Variants in FBF1 observed in about 807,000 individuals in gnomAD.
FBF1 encodes Fas binding factor 1, also known as fas-binding factor 1.
FBF1 carries 119 observed loss-of-function variants against 147.2 expected under a neutral mutation model. That is an observed-to-expected ratio of 0.81 (90% CI 0.70 to 0.94). The LOEUF (loss-of-function observed/expected upper bound fraction) is 0.94. FBF1 is among the 40% of genes least tolerant of loss of function. FBF1 has a pLI of 0.00. For synonymous variants in FBF1, 601 were observed against 609.0 expected (o/e 0.99, Z 0.19); for missense variants, 1,449 against 1,500.8 (o/e 0.97, Z 0.57).
In FBF1 at chr17:75,914,820, C is replaced by A; in HGVS notation, c.2741G>T (p.Arg914Leu). The change falls in exon 25 of 30, where the codon CGG (arginine) becomes CTG (leucine). Residue 914 changes from arginine to leucine, a missense_variant. Physicochemically the swap from Arg to Leu is moderately radical, Grantham distance 102. Coordinates refer to ENST00000636174, the MANE Select transcript of FBF1 (RefSeq NM_001319193.2). ...FSAQQKLSKE[R>L]AEREAERALQ... ...TGCCCGCTCGGCCTCGCGCTCGGCCCGCTCCTTACTCAGCTTTTGCTGCGC... is the reference window on the plus strand; with the variant it reads ...TGCCCGCTCGGCCTCGCGCTCGGCCAGCTCCTTACTCAGCTTTTGCTGCGC... 6.3e-7 allele frequency: 1 copy of A among 1,594,952 alleles called. No homozygotes were observed. The highest frequency in any genetic ancestry group is 8.5e-7 in the Non-Finnish European group (1 of 1,173,342).
Position 75,925,020 on chromosome 17 carries a change from G to A in FBF1, c.968+327C>T, listed in dbSNP as rs2065551307. On this transcript the variant is annotated intron_variant, in intron 13 of 29. Coordinates refer to ENST00000636174, the MANE Select transcript of FBF1 (RefSeq NM_001319193.2). This position sits in a 1 kb window ranked among gnomAD's most constrained non-coding sequence, Gnocchi z 5.0. ...AGGAAGTATGTTCCTTGGGGAGACC[G>A]AGCGACATCACAGCCTTTTATGATT... 1.3e-5 allele frequency among the ~76,000 whole-genome samples: 2 copies of A among 152,162 alleles called. No individual in the cohort carries two copies. Among genetic ancestry groups the A allele is most frequent in the Admixed American group, 6.5e-5 (1 of 15,270 alleles).
chr17:75,940,932 C>A lies in FBF1; in HGVS notation c.-168G>T, dbSNP rs1027339988. ...GAAGCCTCCTGTTACGCGCCGTGCCCCCGGAGGTGCGGCCGCTGGGACCAG... is the reference window on the plus strand; with the variant it reads ...GAAGCCTCCTGTTACGCGCCGTGCCACCGGAGGTGCGGCCGCTGGGACCAG... On this transcript the variant is annotated 5_prime_UTR_variant, in exon 1 of 30. Coordinates refer to ENST00000636174, the MANE Select transcript of FBF1 (RefSeq NM_001319193.2). 1.3e-5 allele frequency: 2 copies of A among 152,936 alleles called. No homozygotes were observed. The highest frequency in any genetic ancestry group is 2.9e-5 in the Non-Finnish European group (2 of 68,144). The allele number at this position is 152,936 out of a possible 1,614,324, so 9.5% of individuals were successfully genotyped here.
In FBF1 at chr17:75,923,763, G is replaced by A; in HGVS notation, c.969-122C>T. 1.0e-6 allele frequency: 1 copy of A among 998,926 alleles called. No homozygotes were observed. The highest frequency in any genetic ancestry group is 1.7e-5 in the South Asian group (1 of 58,724). The allele number at this position is 998,926 out of a possible 1,614,324, so 61.9% of individuals were successfully genotyped here. On this transcript the variant is annotated intron_variant, in intron 13 of 29. Coordinates refer to ENST00000636174, the MANE Select transcript of FBF1 (RefSeq NM_001319193.2). This position sits in a 1 kb window ranked among gnomAD's most constrained non-coding sequence, Gnocchi z 4.1. Reference sequence around the variant, plus strand: ...TGCACAGTCAGCTGAGGCCCAGTGAGCAGTGGCTCCTGGACCGGCTCAGGT... The same window carrying A: ...TGCACAGTCAGCTGAGGCCCAGTGAACAGTGGCTCCTGGACCGGCTCAGGT...
In FBF1 at chr17:75,914,882, C is replaced by T. The variant is rs1370127920; in HGVS notation, c.2679G>A (p.Glu893=). 3 of 1,612,322 alleles carry T rather than the reference C, an allele frequency of 1.9e-6. No homozygotes were observed. Among genetic ancestry groups the T allele is most frequent in the Admixed American group, 1.7e-5 (1 of 59,988 alleles). The change falls in exon 25 of 30, where the codon GAG becomes GAA. Residue 893 remains glutamate (E), a synonymous_variant. Coordinates refer to ENST00000636174, the MANE Select transcript of FBF1 (RefSeq NM_001319193.2). The part of the protein sequence containing the change: ...QKSVMLKCGE[E]RRRLAAEWAE... ...CCCACTCGGCAGCCAGGCGCCGCCG[C>T]TCCTCCCCGCACTTGAGCATGACAG...
At chr17:75,932,898 ATGGCGAGC>A in intron 5 of FBF1, 89 bp downstream of exon 5, 1 of 764,050 alleles carries the variant, frequency 1.3e-6, no homozygotes, top group Non-Finnish European at 2.0e-6. Context: ...AAAAAAAAAA[ATGGCGAGC>A]AAATGTGAAG....
At chr17:75,915,235 C>T in intron 23 of FBF1, 96 bp from the exon 24 acceptor site, 1 of 1,450,578 alleles carries the variant, frequency 6.9e-7, no homozygotes, top group Non-Finnish European at 9.1e-7. Flanking sequence ...CCAGTGTCTC[C>T]CACACTATGC....
In FBF1 at chr17:75,931,234, C is replaced by G; in HGVS notation, c.223G>C (p.Ala75Pro). ...STMAGLEEAD[A>P]EVSGISEADP... ...AGGGAAACAGCCAGGCTCACCTCAG[C>G]ATCAGCTTCTTCCAGGCCTGCCATG... The change falls in exon 6 of 30, where the codon GCT becomes CCT. Residue 75 changes from alanine (A) to proline (P), a missense_variant. Transcript: ENST00000636174. 6.3e-7 allele frequency: 1 copy of G among 1,576,110 alleles called. No individual in the cohort carries two copies. Among genetic ancestry groups the G allele is most frequent in the Non-Finnish European group, 8.6e-7 (1 of 1,160,900 alleles).
rs1213548816 is a variant in FBF1 at position 75,923,220 on chromosome 17, A to G, written c.1390T>C (p.Leu464=). Residue 464 remains leucine, a synonymous_variant, in exon 14 of 30, where the codon TTG becomes CTG. Transcript: ENST00000636174. This position sits in a 1 kb window ranked among gnomAD's most constrained non-coding sequence, Gnocchi z 4.1. ...GGGGGATGGCCCGCTGTCCCCGCCA[A>G]ATGCAGGCCCTCAGAGGTCCCAGCA... is the stretch of plus-strand genomic sequence containing the variant. ...QHAGTSEGLH[L]AGTAGHPPSG... The G allele has an allele frequency of 6.3e-7, 1 of 1,592,580 alleles. No homozygotes were observed. Among genetic ancestry groups the G allele is most frequent in the East Asian group, 2.3e-5 (1 of 43,966 alleles).
rs550564215 is a variant in FBF1 at position 75,919,566 on chromosome 17, G to T, written c.2138+102C>A. On this transcript the variant is annotated intron_variant, in intron 20 of 29. Coordinates refer to ENST00000636174, the MANE Select transcript of FBF1 (RefSeq NM_001319193.2). The surrounding 1 kb of genome is among the most constrained non-coding windows in gnomAD (Gnocchi z 5.0). ...ACTGGGAGGGAAGGACCCAACCCCT[G>T]TCCAAAGGCTGCTGAGCCACAGCGA... 31 of 1,354,520 alleles carry T rather than the reference G, an allele frequency of 2.3e-5. No individual in the cohort carries two copies. The highest frequency in any genetic ancestry group is 2.9e-5 in the Non-Finnish European group (29 of 995,458). The allele number at this position is 1,354,520 out of a possible 1,614,324, so 83.9% of individuals were successfully genotyped here.
At chr17:75,915,286 G>A (rs1209937203) in intron 23 of FBF1, 147 bp from the exon 24 acceptor site, 2 of 1,320,538 alleles carry the variant, frequency 1.5e-6, no homozygotes, top group Non-Finnish European at 1.0e-6. Context: ...AATGAGGGGT[G>A]CCTGGGAGGC....
chr17:75,921,545 C>G lies in FBF1; in HGVS notation c.1542G>C (p.Gln514His). The stretch of plus-strand genomic sequence containing the variant: ...TAGGGAGTGCTGAGGCGGCATGGTT[C>G]TGAGTCACAGGGGACCTGAGGACAC... The part of the protein sequence containing the change: ...RPGVSGSPVT[Q>H]NHAASALPTG... Residue 514 changes from glutamine (Q) to histidine (H), a missense_variant, in exon 16 of 30, where the codon CAG (glutamine) becomes CAC (histidine). Coordinates refer to ENST00000636174, the MANE Select transcript of FBF1 (RefSeq NM_001319193.2). 3.2e-5 allele frequency: 51 copies of G among 1,610,300 alleles called. No individual in the cohort carries two copies. The highest frequency in any genetic ancestry group is 4.3e-5 in the Non-Finnish European group (51 of 1,178,036).
chr17:75,915,226 C>T (rs2144155031), intron 23 of FBF1, 87 bp from the exon 24 acceptor site: 1 of 1,492,138 alleles, frequency 6.7e-7, no homozygotes, highest in African/African-American at 1.4e-5. Context: ...ATGAACCCAC[C>T]AGTGTCTCCC....
At position 75,928,165 on chromosome 17, in the gene FBF1, A is replaced by G. The variant is rs757684007; in HGVS notation, c.308T>C (p.Leu103Ser). ...KDLDGMDADI[L>S]GLKKSNSAPS... ...GGCTGAATTAGATTTCTTCAGACCT[A>G]AGATATCAGCATCCATGCCGTCCAG... The change falls in exon 8 of 30, where the codon TTA (leucine) becomes TCA (serine). Residue 103 changes from leucine (L) to serine (S), a missense_variant. Coordinates refer to ENST00000636174, the MANE Select transcript of FBF1 (RefSeq NM_001319193.2). The surrounding 1 kb of genome is among the most constrained non-coding windows in gnomAD (Gnocchi z 4.2). 9 of 1,613,768 alleles carry G rather than the reference A, an allele frequency of 5.6e-6. No individual in the cohort carries two copies. Among genetic ancestry groups the G allele is most frequent in the Non-Finnish European group, 4.2e-6 (5 of 1,179,882 alleles).
intron 4 of FBF1, among the ~76,000 whole-genome samples, chr17:75,935,216 G>T (rs1008609411): frequency 6.6e-6 from 1 of 151,190 alleles, no homozygotes; most frequent in Non-Finnish European, 1.5e-5. Flanking sequence ...ACAGGCTGGA[G>T]CGCAGTGGTG....
intron 28 of FBF1, 67 bp from the exon 29 acceptor site, chr17:75,912,374 T>C: frequency 8.0e-7 from 1 of 1,251,640 alleles, no homozygotes; most frequent in Non-Finnish European, 1.1e-6. Context: ...TCACAGCTTG[T>C]TCCTGCAGAG....
intron 3 of FBF1, among the ~76,000 whole-genome samples, chr17:75,937,210 G>A (rs1358554854): frequency 6.6e-6 from 1 of 150,446 alleles, no homozygotes; most frequent in Non-Finnish European, 1.5e-5. Context: ...TCACTCTGTT[G>A]CCCAGGCTGG....
chr17:75,913,336 CG>C (rs142293803), intron 28 of FBF1: 3,847 of 164,672 alleles, frequency 0.023, 61 homozygotes, highest in Non-Finnish European at 0.037. Context: ...TTAGCAGAGA[CG>C]GGGTTTCATT....
At position 75,914,054 on chromosome 17, in the gene FBF1, C is replaced by A; in HGVS notation, c.2992-4G>T. On this transcript the variant is annotated splice_polypyrimidine_tract_variant and splice_region_variant and intron_variant, in intron 26 of 29. Transcript: ENST00000636174. ...CCTCGTACTTCTCGGAGGCCACCTG[C>A]AGGGAGGCCGCCTGGGTCAGGGCTG... 6.3e-7 allele frequency: 1 copy of A among 1,591,510 alleles called. No homozygotes were observed. Among genetic ancestry groups the A allele is most frequent in the African/African-American group, 1.3e-5 (1 of 74,896 alleles).
At chr17:75,917,025 T>G (rs973324936) in intron 23 of FBF1, among the ~76,000 whole-genome samples, 6 of 152,150 alleles carry the variant, frequency 3.9e-5, no homozygotes, top group Admixed American at 6.5e-5. Flanking sequence ...TAGTTTCTTA[T>G]TTCTTTATTT....
Sources: allele counts gnomAD v4.1 joint callset (sites outside exome capture counted in the v4.1 genomes callset), GRCh38; gene constraint gnomAD v4.1.1; non-coding constraint Gnocchi (gnomAD v3.1); transcripts MANE v1.5; gene names NCBI Gene and HGNC (gene_info 2026-07-23, HGNC 2026-07-21).